Variants in SDC2 observed in about 807,000 individuals in gnomAD.
SDC2 encodes syndecan-2.
Under a neutral mutation model 22.2 loss-of-function variants are expected in SDC2, and 13 were observed. That is an observed-to-expected ratio of 0.59 (90% CI 0.38 to 0.93). The LOEUF (loss-of-function observed/expected upper bound fraction) is 0.93, where lower values mean the gene tolerates loss of function less well. Ranked by LOEUF, SDC2 falls within the 40% of genes least tolerant of loss-of-function variation. The probability of loss-of-function intolerance (pLI) is 0.00; values close to 1 mark genes in which losing one functional copy is unlikely to be tolerated. For synonymous variants in SDC2, 94 were observed against 92.8 expected (o/e 1.01, Z -0.07); for missense variants, 235 against 246.8 (o/e 0.95, Z 0.32).
chr8:96,528,576 T>TA (rs1282575446), intron 1 of SDC2, among the ~76,000 whole-genome samples: 1 of 152,198 alleles, frequency 6.6e-6, no homozygotes, highest in African/African-American at 2.4e-5. Flanking sequence ...TGGGGAAACT[T>TA]ACTATTTAAA....
At chr8:96,580,311 G>C in intron 1 of SDC2, 1 of 847,304 alleles carries the variant, frequency 1.2e-6, no homozygotes, top group Non-Finnish European at 1.4e-6. Flanking sequence ...TACAGGCAGA[G>C]TGTAAGGTTA....
rs1052691430 is a variant in SDC2, at chr8:96,593,583, C to T, written c.164C>T (p.Ser55Phe). The T allele has an allele frequency of 1.9e-6, 3 of 1,609,064 alleles. No individual in the cohort carries two copies. The highest frequency in any genetic ancestry group is 2.6e-6 in the Non-Finnish European group (3 of 1,175,608). Residue 55 changes from serine (S) to phenylalanine (F), a missense_variant, in exon 2 of 5, where the codon TCT becomes TTT. By Grantham distance (155) the Ser-to-Phe change is radical. Transcript: ENST00000302190. Reference sequence around the variant, plus strand: ...GATGACGATGACTACGCTTCTGCGTCTGGCTCGGGTAAGGTGGCTGCTTCT... The same window carrying T: ...GATGACGATGACTACGCTTCTGCGTTTGGCTCGGGTAAGGTGGCTGCTTCT... ...PIDDDDYASA[S>F]GSGADEDVES...
intron 1 of SDC2, among the ~76,000 whole-genome samples, chr8:96,531,510 T>C (rs956847686): frequency 6.6e-6 from 1 of 152,176 alleles, no homozygotes; most frequent in African/African-American, 2.4e-5. Context: ...GTAAAAATGA[T>C]TTAAAAAATT....
chr8:96,586,268 A>G (rs924500924), intron 1 of SDC2: 6 of 152,210 alleles, frequency 3.9e-5, no homozygotes, highest in Non-Finnish European at 7.3e-5. Flanking sequence ...GTAACCAGGT[A>G]GTTTCTTTAA....
intron 1 of SDC2, among the ~76,000 whole-genome samples, chr8:96,592,233 C>A (rs1003900235): frequency 6.6e-6 from 1 of 152,192 alleles, no homozygotes; most frequent in African/African-American, 2.4e-5. Context: ...AGTGCTTTAG[C>A]CTTGCTAGCC....
At chr8:96,559,105 G>A (rs538040500) in intron 1 of SDC2, among the ~76,000 whole-genome samples, 57 of 152,308 alleles carry the variant, frequency 3.7e-4, no homozygotes, top group African/African-American at 1.2e-3. Flanking sequence ...TGGGCTGGGT[G>A]CTTGCTCTCT....
At chr8:96,599,653 A>C (rs1411108405) in intron 2 of SDC2, among the ~76,000 whole-genome samples, 1 of 152,222 alleles carries the variant, frequency 6.6e-6, no homozygotes, top group East Asian at 1.9e-4. Flanking sequence ...CCCATTTTAC[A>C]AATGAAGAAA....
At chr8:96,547,918 C>T (rs1417517309) in intron 1 of SDC2, among the ~76,000 whole-genome samples, 1 of 151,892 alleles carries the variant, frequency 6.6e-6, no homozygotes, top group African/African-American at 2.4e-5. Flanking sequence ...CACACCACCA[C>T]ACCTGGCTAA....
At chr8:96,606,589 G>T (rs968699476) in intron 3 of SDC2, among the ~76,000 whole-genome samples, 1 of 152,190 alleles carries the variant, frequency 6.6e-6, no homozygotes, top group Non-Finnish European at 1.5e-5. Context: ...GGGCAGTGCT[G>T]TTGGGTTGGA....
chr8:96,576,698 C>T (rs1814510664), intron 1 of SDC2, among the ~76,000 whole-genome samples: 1 of 151,444 alleles, frequency 6.6e-6, no homozygotes, highest in Admixed American at 6.6e-5. Context: ...GGATTACAGG[C>T]GTGAGCCACC....
intron 1 of SDC2, among the ~76,000 whole-genome samples, chr8:96,496,346 G>T (rs757105903): frequency 8.5e-5 from 13 of 152,186 alleles, no homozygotes; most frequent in Non-Finnish European, 1.9e-4. Flanking sequence ...GATGCTTTCC[G>T]AGTGAACTGC....
At chr8:96,581,985 AT>A (rs1406607211) in intron 1 of SDC2, among the ~76,000 whole-genome samples, 1 of 152,244 alleles carries the variant, frequency 6.6e-6, no homozygotes, top group Non-Finnish European at 1.5e-5. Context: ...TCACGTGATC[AT>A]CAGTATACTC....
At chr8:96,524,991 G>A (rs568797207) in intron 1 of SDC2, among the ~76,000 whole-genome samples, 1 of 152,266 alleles carries the variant, frequency 6.6e-6, no homozygotes, top group South Asian at 2.1e-4. Context: ...CGGGTTACAT[G>A]GATCTCCATA....
chr8:96,536,384 G>A (rs186964870), intron 1 of SDC2, among the ~76,000 whole-genome samples: 15 of 152,088 alleles, frequency 9.9e-5, no homozygotes, highest in African/African-American at 2.2e-4. Flanking sequence ...GCAGTAGTGC[G>A]ACCTTTGCTC....
intron 1 of SDC2, among the ~76,000 whole-genome samples, chr8:96,579,044 C>CA (rs1234162649): frequency 6.6e-6 from 1 of 152,196 alleles, no homozygotes; most frequent in Non-Finnish European, 1.5e-5. Context: ...GGGAGCAAAG[C>CA]AAATAGCAGT....
chr8:96,588,208 T>C (rs969670418), intron 1 of SDC2, among the ~76,000 whole-genome samples: 3 of 152,180 alleles, frequency 2.0e-5, no homozygotes, highest in Non-Finnish European at 2.9e-5. Context: ...TTGAGCTACT[T>C]TGCTACTCTG....
At chr8:96,592,358 A>G (rs2130631329) in intron 1 of SDC2, among the ~76,000 whole-genome samples, 1 of 152,348 alleles carries the variant, frequency 6.6e-6, no homozygotes, top group East Asian at 1.9e-4. Context: ...TTTAAGATTA[A>G]ATCTAATGAA....
intron 1 of SDC2, among the ~76,000 whole-genome samples, chr8:96,552,220 T>C (rs1814039612): frequency 6.6e-6 from 1 of 152,232 alleles, no homozygotes; most frequent in Non-Finnish European, 1.5e-5. Flanking sequence ...CAGATTTTAG[T>C]ATCTAATATA....
intron 1 of SDC2, among the ~76,000 whole-genome samples, chr8:96,575,937 A>G (rs1814480601): frequency 1.3e-5 from 2 of 152,138 alleles, no homozygotes; most frequent in Non-Finnish European, 2.9e-5. Context: ...CTGCCCTTAT[A>G]AAGATGCCTC....
Sources: gnomAD v4.1 joint callset for allele counts (sites outside exome capture counted in the v4.1 genomes callset) on GRCh38, gnomAD v4.1.1 for gene constraint, MANE v1.5 for transcripts, NCBI Gene and HGNC (gene_info 2026-07-23, HGNC 2026-07-21) for gene names.